PPM1L: variants seen among roughly 807,000 people sequenced by gnomAD.
PPM1L encodes protein phosphatase, Mg2+/Mn2+ dependent 1L.
A neutral mutation model predicts 31.4 loss-of-function variants in PPM1L; 13 were observed. The observed-to-expected ratio is 0.41, with a 90% CI of 0.27 to 0.66. PPM1L has a LOEUF of 0.66. Among genes scored for constraint, PPM1L ranks in the 30% least tolerant of loss-of-function variants. The pLI is 0.29. For synonymous variants in PPM1L, 184 were observed against 175.4 expected (o/e 1.05, Z -0.39); for missense variants, 326 against 453.7 (o/e 0.72, Z 2.56).
rs1264259469 is a variant in PPM1L at position 161,075,842 on chromosome 3, T to C, written c.*6685T>C. 1 of 152,212 alleles carries C rather than the reference T, an allele frequency of 6.6e-6. No homozygotes were observed. The highest frequency in any genetic ancestry group is 1.9e-4 in the East Asian group (1 of 5,200). The allele number at this position is 152,212 out of a possible 1,614,324, so 9.4% of individuals were successfully genotyped here. A position where few individuals can be genotyped will look rare whatever the true frequency, so the allele number is the denominator to read the frequency against. ...AAGTTAGTAAAATTGCAGTCCCTAT[T>C]CCATTTTTTTCTGATGAAAATGGAT... On this transcript the variant is annotated 3_prime_UTR_variant, in exon 4 of 4. Coordinates refer to ENST00000498165, the MANE Select transcript of PPM1L (RefSeq NM_139245.4).
chr3:160,859,768 A>C (rs1032288442), intron 1 of PPM1L, among the ~76,000 whole-genome samples: 1 of 152,200 alleles, frequency 6.6e-6, no homozygotes, highest in Non-Finnish European at 1.5e-5. Flanking sequence ...TGTGAGGATA[A>C]CTTTTCAGAA....
intron 2 of PPM1L, among the ~76,000 whole-genome samples, chr3:161,049,648 T>A (rs1358259231): frequency 1.3e-5 from 2 of 152,196 alleles, no homozygotes; most frequent in Non-Finnish European, 2.9e-5. Flanking sequence ...GTAATAATAA[T>A]CCCATGTACC....
At chr3:160,824,901 AT>A (rs892776294) in intron 1 of PPM1L, among the ~76,000 whole-genome samples, 1 of 151,606 alleles carries the variant, frequency 6.6e-6, no homozygotes, top group African/African-American at 2.4e-5. Flanking sequence ...GCCTCATTTT[AT>A]TTCCTTCAGC....
intron 1 of PPM1L, among the ~76,000 whole-genome samples, chr3:160,951,298 A>G (rs1433725517): frequency 1.3e-5 from 2 of 152,182 alleles, no homozygotes; most frequent in Admixed American, 6.5e-5. Context: ...CCCTTAACCT[A>G]TCCCTGGAAT....
intron 1 of PPM1L, among the ~76,000 whole-genome samples, chr3:160,862,005 A>T (rs553259562): frequency 6.6e-6 from 1 of 152,026 alleles, no homozygotes; most frequent in East Asian, 1.9e-4. Context: ...CCATCTCAAG[A>T]CTCTTACCTT....
chr3:160,973,362 C>G (rs1559909152), intron 2 of PPM1L, among the ~76,000 whole-genome samples: 1 of 152,186 alleles, frequency 6.6e-6, no homozygotes, highest in Admixed American at 6.5e-5. Context: ...ACCAGGTGGT[C>G]ATACTTTAGA....
chr3:160,949,814 T>C (rs1715518733), intron 1 of PPM1L, among the ~76,000 whole-genome samples: 1 of 152,188 alleles, frequency 6.6e-6, no homozygotes, highest in African/African-American at 2.4e-5. Flanking sequence ...TACATTGTGG[T>C]GACAAGTGGG....
intron 2 of PPM1L, among the ~76,000 whole-genome samples, chr3:160,987,246 T>C (rs1292764779): frequency 6.6e-6 from 1 of 152,178 alleles, no homozygotes; most frequent in Non-Finnish European, 1.5e-5. Context: ...AAATAGACTC[T>C]ATGTTGTATC....
chr3:160,851,950 T>TC (rs1354883478), intron 1 of PPM1L, among the ~76,000 whole-genome samples: 1 of 152,214 alleles, frequency 6.6e-6, no homozygotes, highest in Non-Finnish European at 1.5e-5. Context: ...GTCGATTTTT[T>TC]CCCCTCAAAG....
rs894027394 is a variant in PPM1L at position 161,071,858 on chromosome 3, T to C, written c.*2701T>C. Reference sequence around the variant, plus strand: ...ATTAGGGAAATTGATTTGAGATGTTTGCATGTGAAGCTTCCCTAAGCAGCA... The same window carrying C: ...ATTAGGGAAATTGATTTGAGATGTTCGCATGTGAAGCTTCCCTAAGCAGCA... On this transcript the variant is annotated 3_prime_UTR_variant, in exon 4 of 4. Transcript: ENST00000498165. 3.9e-5 allele frequency: 6 copies of C among 152,338 alleles called. No homozygotes were observed. The highest frequency in any genetic ancestry group is 1.4e-4 in the African/African-American group (6 of 41,576). 9.4% of individuals were successfully genotyped at this position (152,338 alleles called of 1,614,324 possible).
intron 2 of PPM1L, among the ~76,000 whole-genome samples, chr3:160,982,753 T>G (rs1433797464): frequency 6.6e-6 from 1 of 152,148 alleles, no homozygotes; most frequent in Admixed American, 6.5e-5. Context: ...ATAATTTCCC[T>G]TACTGTGGTC....
chr3:161,020,392 A>G (rs776193547), intron 2 of PPM1L, among the ~76,000 whole-genome samples: 8 of 152,208 alleles, frequency 5.3e-5, no homozygotes, highest in Non-Finnish European at 1.0e-4. Context: ...TTTACTTCTA[A>G]TAAAGCTGAT....
At chr3:160,763,939 A>G (rs1382687713) in intron 1 of PPM1L, among the ~76,000 whole-genome samples, 3 of 152,200 alleles carry the variant, frequency 2.0e-5, no homozygotes. Flanking sequence ...TACTTAATGA[A>G]TGTCAAAATA....
intron 1 of PPM1L, among the ~76,000 whole-genome samples, chr3:160,906,817 A>G (rs151244832): frequency 3.3e-5 from 5 of 152,268 alleles, no homozygotes; most frequent in Non-Finnish European, 7.4e-5. Flanking sequence ...GAGAGCCTGA[A>G]TTTCTCACTG....
intron 1 of PPM1L, among the ~76,000 whole-genome samples, chr3:160,789,472 T>C (rs1209874230): frequency 2.0e-5 from 3 of 151,986 alleles, no homozygotes; most frequent in Non-Finnish European, 4.4e-5. Flanking sequence ...TTGAATAATG[T>C]AAAATAATAA....
At chr3:160,974,714 G>A (rs1421031229) in intron 2 of PPM1L, among the ~76,000 whole-genome samples, 1 of 147,174 alleles carries the variant, frequency 6.8e-6, no homozygotes, top group African/African-American at 2.5e-5. Flanking sequence ...CTTTTTGATG[G>A]GGTTGTTTGT....
At chr3:160,817,843 T>C (rs946449995) in intron 1 of PPM1L, among the ~76,000 whole-genome samples, 22 of 151,926 alleles carry the variant, frequency 1.4e-4, no homozygotes, top group African/African-American at 7.2e-5. Context: ...CATATTTAGA[T>C]TGAGGTGACA....
At position 160,853,180 on chromosome 3, in the gene PPM1L, G is replaced by A. The variant is rs1711580705; in HGVS notation, c.399+96473G>A. 2.0e-5 allele frequency among the ~76,000 whole-genome samples: 3 copies of A among 152,118 alleles called. No homozygotes were observed. The South Asian group carries it at 6.2e-4, about 31-fold the overall frequency. On this transcript the variant is annotated intron_variant, in intron 1 of 3. Coordinates refer to ENST00000498165, the MANE Select transcript of PPM1L (RefSeq NM_139245.4). Reference sequence around the variant, plus strand: ...TGCATTTAGGGCCAAACTTCTCAAGGCCCTTAATTTAATCACTTTTTCTTT... The same window carrying A: ...TGCATTTAGGGCCAAACTTCTCAAGACCCTTAATTTAATCACTTTTTCTTT...
chr3:161,027,445 C>T (rs1718435320), intron 2 of PPM1L, among the ~76,000 whole-genome samples: 1 of 152,144 alleles, frequency 6.6e-6, no homozygotes. Context: ...ACTGGGGAAG[C>T]CTCACAATCG....
Sources: gnomAD v4.1 joint callset for allele counts (sites outside exome capture counted in the v4.1 genomes callset) on GRCh38, gnomAD v4.1.1 for gene constraint, MANE v1.5 for transcripts, NCBI Gene and HGNC (gene_info 2026-07-23, HGNC 2026-07-21) for gene names.